CRYL1: variants seen among roughly 807,000 people sequenced by gnomAD.
CRYL1 encodes the protein crystallin lambda 1, also known as lambda-crystallin homolog.
In CRYL1, 29 loss-of-function variants were observed where a neutral mutation model predicts 36.6. The observed-to-expected ratio is 0.79, with a 90% CI of 0.59 to 1.08. The LOEUF is 1.08. CRYL1 is among the 50% of genes least tolerant of loss of function. CRYL1 has a pLI of 0.00. For missense variants in CRYL1, 411 were observed against 407.9 expected (o/e 1.01, Z -0.06); for synonymous variants, 152 against 151.5 (o/e 1.00, Z -0.02).
chr13:20,509,648 C>T (rs1006022254), intron 2 of CRYL1, among the ~76,000 whole-genome samples: 2 of 152,152 alleles, frequency 1.3e-5, no homozygotes, highest in Non-Finnish European at 2.9e-5. Flanking sequence ...TGCCATTAGG[C>T]CAGGCTTGGT....
Position 20,432,140 on chromosome 13 carries a change from G to T in CRYL1, c.595C>A (p.Gln199Lys), listed in dbSNP as rs1254293814. The change falls in exon 5 of 8, where the codon CAA becomes AAA. Residue 199 changes from glutamine to lysine, a missense_variant. Transcript: ENST00000298248. ...CAGGCCTCGCTGATGATTGCATATTGCAGGCGGTTCAGAACGAAGCCGGCC... is the reference window on the plus strand; with the variant it reads ...CAGGCCTCGCTGATGATTGCATATTTCAGGCGGTTCAGAACGAAGCCGGCC... ...EVAGFVLNRL[Q>K]YAIISEAWRL... 6.2e-7 allele frequency: 1 copy of T among 1,614,144 alleles called. No homozygotes were observed. The highest frequency in any genetic ancestry group is 1.7e-5 in the Admixed American group (1 of 60,024).
At position 20,525,770 on chromosome 13, in the gene CRYL1, C is replaced by T; in HGVS notation, c.25G>A (p.Val9Met). 7.7e-7 allele frequency: 1 copy of T among 1,296,692 alleles called. No individual in the cohort carries two copies. Among genetic ancestry groups the T allele is most frequent in the South Asian group, 2.4e-5 (1 of 41,838 alleles). The allele number at this position is 1,296,692 out of a possible 1,614,324, so 80.3% of individuals were successfully genotyped here. A position where few individuals can be genotyped will look rare whatever the true frequency, so the allele number is the denominator to read the frequency against. MASSAAGC[V>M]VIVGSGVIGR... Reference sequence around the variant, plus strand: ...GCCCTTTACCTGCCAACGATCACCACGCAGCCGGCCGCGGAGGACGCCATG... The same window carrying T: ...GCCCTTTACCTGCCAACGATCACCATGCAGCCGGCCGCGGAGGACGCCATG... The change falls in exon 1 of 8, where the codon GTG becomes ATG. Residue 9 changes from valine (V) to methionine (M), a missense_variant. Physicochemically the swap from Val to Met is conservative, Grantham distance 21 (BLOSUM62 1). Transcript: ENST00000298248. This position sits in a 1 kb window ranked among gnomAD's most constrained non-coding sequence, Gnocchi z 4.3.
At chr13:20,513,711 A>T (rs1307052542) in intron 1 of CRYL1, 4 of 152,196 alleles carry the variant, frequency 2.6e-5, no homozygotes, top group African/African-American at 9.7e-5. Context: ...AAAAAGTCAT[A>T]AAGAGTTCAC....
At chr13:20,476,002 C>A (rs534573483) in intron 3 of CRYL1, among the ~76,000 whole-genome samples, 1 of 152,158 alleles carries the variant, frequency 6.6e-6, no homozygotes, top group Non-Finnish European at 1.5e-5. Context: ...ACCTGCCCCA[C>A]GCACACGGCA....
intron 2 of CRYL1, among the ~76,000 whole-genome samples, chr13:20,494,680 C>A (rs2033574119): frequency 6.6e-6 from 1 of 152,214 alleles, no homozygotes; most frequent in Non-Finnish European, 1.5e-5. Context: ...AAAAGTACTG[C>A]ATGAGATTAG....
At chr13:20,517,130 T>G (rs1296742761) in intron 1 of CRYL1, among the ~76,000 whole-genome samples, 2 of 152,080 alleles carry the variant, frequency 1.3e-5, no homozygotes, top group African/African-American at 4.8e-5. Flanking sequence ...AATACAGTCT[T>G]TATCCTGGGA....
rs1409529643 is a variant in CRYL1, at chr13:20,525,803, CG to C, written c.-10del. On this transcript the variant is annotated 5_prime_UTR_variant, in exon 1 of 8. Coordinates refer to ENST00000298248, the MANE Select transcript of CRYL1 (RefSeq NM_015974.3). This position sits in a 1 kb window ranked among gnomAD's most constrained non-coding sequence, Gnocchi z 4.3. ...GCCGCGGAGGACGCCATGGTTGGGC[CG>C]GGGACGCGGCGCCGCGGGCGCTGGG... 1 of 1,240,956 alleles carries C rather than the reference CG, an allele frequency of 8.1e-7. No homozygotes were observed. The highest frequency in any genetic ancestry group is 1.0e-6 in the Non-Finnish European group (1 of 991,586). The allele number at this position is 1,240,956 out of a possible 1,614,324, so 76.9% of individuals were successfully genotyped here. A position where few individuals can be genotyped will look rare whatever the true frequency, so the allele number is the denominator to read the frequency against.
chr13:20,510,411 G>A (rs2033891857), intron 2 of CRYL1, among the ~76,000 whole-genome samples: 2 of 152,150 alleles, frequency 1.3e-5, no homozygotes, highest in Admixed American at 6.5e-5. Flanking sequence ...CATACTGTAT[G>A]ATTTCAATTA....
chr13:20,502,194 G>A lies in CRYL1; in HGVS notation c.149+10249C>T, dbSNP rs142315889. ...TAGCCACCCAGCCCCCTTAGACTTC[G>A]GGATCTGCAAACCTTGTAGTGAGGC... On this transcript the variant is annotated intron_variant, in intron 2 of 7. Coordinates refer to ENST00000298248, the MANE Select transcript of CRYL1 (RefSeq NM_015974.3). Among the ~76,000 whole-genome samples, 494 of 152,178 alleles carry A rather than the reference G, an allele frequency of 3.2e-3. 5 individuals are homozygous for A. Among genetic ancestry groups the A allele is most frequent in the Admixed American group, 5.4e-3 (83 of 15,278 alleles).
intron 1 of CRYL1, among the ~76,000 whole-genome samples, chr13:20,522,945 T>A (rs61955537): frequency 0.21 from 24,561 of 114,244 alleles, 2,579 homozygotes; most frequent in East Asian, 0.44. Flanking sequence ...TGAGATGGAG[T>A]CTCACTCTAT....
chr13:20,468,493 C>T (rs1371450411), intron 3 of CRYL1, among the ~76,000 whole-genome samples: 2 of 152,212 alleles, frequency 1.3e-5, no homozygotes, highest in Non-Finnish European at 2.9e-5. Context: ...AACAATCTAC[C>T]AGTGACCACA....
chr13:20,490,663 G>A (rs2033491874), intron 2 of CRYL1, among the ~76,000 whole-genome samples: 1 of 151,798 alleles, frequency 6.6e-6, no homozygotes, highest in Admixed American at 6.6e-5. Flanking sequence ...AGGGGATGGG[G>A]TGGGGGGGCA....
intron 5 of CRYL1, among the ~76,000 whole-genome samples, chr13:20,417,902 CCAGA>C (rs1355234051): frequency 6.6e-6 from 1 of 152,200 alleles, no homozygotes; most frequent in Non-Finnish European, 1.5e-5. Flanking sequence ...CAGGGTTCTA[CCAGA>C]CAAAGCCAGT....
intron 4 of CRYL1, 72 bp downstream of exon 4, chr13:20,439,521 A>AAAAAAAAG: frequency 1.2e-5 from 12 of 963,876 alleles, no homozygotes; most frequent in East Asian, 6.9e-5. Flanking sequence ...CCGCAAAAAA[A>AAAAAAAAG]AAAAAAAAAG....
At chr13:20,405,417 A>G (rs549551235) in intron 6 of CRYL1, among the ~76,000 whole-genome samples, 10 of 152,166 alleles carry the variant, frequency 6.6e-5, no homozygotes, top group African/African-American at 1.2e-4. Flanking sequence ...GTTTCCTCCA[A>G]CCATGGGTGT....
At chr13:20,494,921 G>A (rs1378027048) in intron 2 of CRYL1, among the ~76,000 whole-genome samples, 2 of 152,132 alleles carry the variant, frequency 1.3e-5, no homozygotes, top group African/African-American at 4.8e-5. Flanking sequence ...GGAGAGACAC[G>A]GTCACACATG....
At chr13:20,448,256 G>C (rs1392421443) in intron 3 of CRYL1, among the ~76,000 whole-genome samples, 1 of 152,132 alleles carries the variant, frequency 6.6e-6, no homozygotes, top group Non-Finnish European at 1.5e-5. Context: ...AAAACAAAGA[G>C]CAAGGAGACT....
chr13:20,420,698 A>T lies in CRYL1; in HGVS notation c.634-7311T>A, dbSNP rs2031779409. ...TCCCTTTGACTTTTCTTTAAAATAG[A>T]GGTTGTGTGTGTGTGTGTGTGTGTG... On this transcript the variant is annotated intron_variant, in intron 5 of 7. Coordinates refer to ENST00000298248, the MANE Select transcript of CRYL1 (RefSeq NM_015974.3). 3.5e-4 allele frequency among the ~76,000 whole-genome samples: 8 copies of T among 22,696 alleles called. 1 individual carries two copies. Among genetic ancestry groups the T allele is most frequent in the South Asian group, 2.7e-3 (1 of 366 alleles). The allele number at this position is 22,696 out of a possible 152,430, so 14.9% of individuals were successfully genotyped here. A position where few individuals can be genotyped will look rare whatever the true frequency, so the allele number is the denominator to read the frequency against.
chr13:20,432,885 T>G (rs995228935), intron 4 of CRYL1, among the ~76,000 whole-genome samples: 1 of 152,004 alleles, frequency 6.6e-6, no homozygotes, highest in Non-Finnish European at 1.5e-5. Context: ...AGGTGTGGTG[T>G]TGTGTACCTG....
Sources: gnomAD v4.1 joint callset for allele counts (sites outside exome capture counted in the v4.1 genomes callset) on GRCh38, gnomAD v4.1.1 for gene constraint, Gnocchi (gnomAD v3.1) non-coding constraint, MANE v1.5 for transcripts, NCBI Gene and HGNC (gene_info 2026-07-23, HGNC 2026-07-21) for gene names.